The following PCDHGA1 variants were observed in gnomAD, a reference collection of about 807,000 sequenced individuals.
The protein encoded by PCDHGA1 is protocadherin gamma subfamily A, 1, also known as protocadherin gamma-A1.
A neutral mutation model predicts 58.0 loss-of-function variants in PCDHGA1; 32 were observed. The observed-to-expected ratio is 0.55, with a 90% CI of 0.42 to 0.74. The LOEUF (loss-of-function observed/expected upper bound fraction) is 0.74, where lower values mean the gene tolerates loss of function less well. PCDHGA1 is among the 30% of genes least tolerant of loss of function. PCDHGA1 has a pLI of 0.00. For missense variants in PCDHGA1, 1,205 were observed against 1,182.3 expected, an observed-to-expected ratio of 1.02 and a Z score of -0.28; for synonymous variants, 498 against 501.1, an observed-to-expected ratio of 0.99 and a Z score of 0.08.
Position 141,485,164 on chromosome 5 carries a change from G to A in PCDHGA1, c.2422-9643G>A, listed in dbSNP as rs2099608516. 2 of 1,605,832 alleles carry A rather than the reference G, an allele frequency of 1.2e-6. No homozygotes were observed. Among genetic ancestry groups the A allele is most frequent in the Admixed American group, 1.7e-5 (1 of 59,836 alleles). On this transcript the variant is annotated intron_variant, in intron 1 of 3. Coordinates refer to ENST00000517417, the MANE Select transcript of PCDHGA1 (RefSeq NM_018912.3). This position sits in a 1 kb window ranked among gnomAD's most constrained non-coding sequence, Gnocchi z 5.7. ...CTCAGGAGCAAGTAGAGAATTAGCG[G>A]GCGGCAGCAATGCTCCGCAAGGTGA...
intron 1 of PCDHGA1, chr5:141,471,533 G>C (rs921328911): frequency 1.3e-5 from 2 of 152,234 alleles, no homozygotes. Context: ...AGGAAGCTAT[G>C]ATAGCATTTA....
rs139608956 is a variant in PCDHGA1, at chr5:141,510,637, A to G, written c.2570-310A>G. Among the ~76,000 whole-genome samples, 4 of 152,242 alleles carry G rather than the reference A, an allele frequency of 2.6e-5. No individual in the cohort carries two copies. The East Asian group carries it at 7.7e-4, about 29-fold the overall frequency. ...ACTAAAACCAGAAGAGGTGGTTACC[A>G]TTATCATCCCCATTTTGCAGATGAG... On this transcript the variant is annotated intron_variant, in intron 3 of 3. Transcript: ENST00000517417.
intron 1 of PCDHGA1, among the ~76,000 whole-genome samples, chr5:141,437,919 G>A (rs2097917914): frequency 1.3e-5 from 2 of 152,078 alleles, no homozygotes; most frequent in Admixed American, 1.3e-4. Context: ...TGTATTTTTA[G>A]TAGAGATGGG....
In PCDHGA1 at chr5:141,423,130, G is replaced by T. The variant is rs770258338; in HGVS notation, c.2422-71677G>T. The T allele has an allele frequency of 2.5e-6, 4 of 1,613,700 alleles. No homozygotes were observed. Among genetic ancestry groups the T allele is most frequent in the Non-Finnish European group, 2.5e-6 (3 of 1,179,952 alleles). ...GGTGCGTACAGCGCGGGCACTGCTG[G>T]ACAGAGACGCGCTCAAGCAGAGCCT... On this transcript the variant is annotated intron_variant, in intron 1 of 3. Coordinates refer to ENST00000517417, the MANE Select transcript of PCDHGA1 (RefSeq NM_018912.3).
At chr5:141,414,904 A>G in intron 1 of PCDHGA1, 2 of 1,614,190 alleles carry the variant, frequency 1.2e-6, no homozygotes, top group Non-Finnish European at 1.7e-6. Context: ...AGACGGTTCC[A>G]CAGGCGTGGA....
chr5:141,418,670 G>T (rs767728571), intron 1 of PCDHGA1: 2 of 1,614,042 alleles, frequency 1.2e-6, no homozygotes, highest in Non-Finnish European at 1.7e-6. Context: ...TGACCAGGAC[G>T]AGGGCATCAA....
intron 1 of PCDHGA1, among the ~76,000 whole-genome samples, chr5:141,381,931 G>A (rs1032910832): frequency 6.3e-5 from 9 of 143,684 alleles, no homozygotes; most frequent in African/African-American, 2.3e-4. Context: ...CCGGGTTCAA[G>A]CGATTTTCCT....
At chr5:141,352,474 C>T (rs780587821) in intron 1 of PCDHGA1, 1 of 1,614,008 alleles carries the variant, frequency 6.2e-7, no homozygotes, top group Non-Finnish European at 8.5e-7. Flanking sequence ...TTCCTCCCAA[C>T]CACAGCGAGG....
chr5:141,459,486 G>A (rs764885682), intron 1 of PCDHGA1, among the ~76,000 whole-genome samples: 8 of 152,154 alleles, frequency 5.3e-5, no homozygotes, highest in Admixed American at 3.9e-4. Context: ...GTGCTATTCT[G>A]AATTAAAGTG....
intron 1 of PCDHGA1, chr5:141,366,866 T>G (rs998309813): frequency 7.1e-7 from 1 of 1,402,360 alleles, no homozygotes; most frequent in Admixed American, 2.4e-5. Flanking sequence ...TTATTTGCTG[T>G]ATTGGAGATT....
chr5:141,394,740 G>A (rs148904388), intron 1 of PCDHGA1: 174 of 1,613,404 alleles, frequency 1.1e-4, no homozygotes, highest in Non-Finnish European at 1.4e-4. Flanking sequence ...GCAGAGCCTC[G>A]TGGTGGCCGT....
chr5:141,365,520 C>G (rs749868232), intron 1 of PCDHGA1: 1 of 1,613,828 alleles, frequency 6.2e-7, no homozygotes, highest in East Asian at 2.2e-5. Context: ...TTGGAGAAGT[C>G]AGTTGATAAT....
intron 1 of PCDHGA1, chr5:141,344,783 T>A: frequency 1.2e-6 from 2 of 1,613,894 alleles, no homozygotes; most frequent in Non-Finnish European, 1.7e-6. Flanking sequence ...ACCGTGTGAG[T>A]GTTTGGGAGA....
chr5:141,413,665 C>T (rs770111467), intron 1 of PCDHGA1: 1 of 1,613,726 alleles, frequency 6.2e-7, no homozygotes, highest in East Asian at 2.2e-5. Flanking sequence ...AGCTATTGAT[C>T]CGGATGTGGG....
At chr5:141,399,949 A>G in intron 1 of PCDHGA1, 1 of 1,612,272 alleles carries the variant, frequency 6.2e-7, no homozygotes, top group Non-Finnish European at 8.5e-7. Flanking sequence ...GCTGCAGGCT[A>G]GCGAGCCCGG....
Position 141,487,767 on chromosome 5 carries a change from T to G in PCDHGA1, c.2422-7040T>G, listed in dbSNP as rs2099665569. The G allele has an allele frequency of 5.2e-6, 8 of 1,538,298 alleles. No homozygotes were observed. The African/African-American group carries it at 9.6e-5, about 18-fold the overall frequency. On this transcript the variant is annotated intron_variant, in intron 1 of 3. Transcript: ENST00000517417. This position sits in a 1 kb window ranked among gnomAD's most constrained non-coding sequence, Gnocchi z 5.0. ...GGTAACTATGTGGTAGACGCTGTGC[T>G]TTGTAACTGTTTCGTGAATTAACCA... is the stretch of plus-strand genomic sequence containing the variant.
In PCDHGA1 at chr5:141,498,823, C is replaced by A. The variant is rs540865523; in HGVS notation, c.2480+3958C>A. ...TGGTGCACACCTGTAGTCCCAGCTA[C>A]TCAGGAGGCTGAGGCAGGGGAATCG... On this transcript the variant is annotated intron_variant, in intron 2 of 3. Coordinates refer to ENST00000517417, the MANE Select transcript of PCDHGA1 (RefSeq NM_018912.3). Among the ~76,000 whole-genome samples the A allele has an allele frequency of 9.2e-5, 14 of 152,166 alleles. No homozygotes were observed. The East Asian group carries it at 1.5e-3, about 17-fold the overall frequency.
In PCDHGA1 at chr5:141,486,499, C is replaced by G. The variant is rs1487201957; in HGVS notation, c.2422-8308C>G. 2 of 1,614,010 alleles carry G rather than the reference C, an allele frequency of 1.2e-6. No homozygotes were observed. Among genetic ancestry groups the G allele is most frequent in the Non-Finnish European group, 1.7e-6 (2 of 1,179,874 alleles). On this transcript the variant is annotated intron_variant, in intron 1 of 3. Coordinates refer to ENST00000517417, the MANE Select transcript of PCDHGA1 (RefSeq NM_018912.3). This position sits in a 1 kb window ranked among gnomAD's most constrained non-coding sequence, Gnocchi z 5.0. ...CTCTCAGTACCCACAGAACTATTTT[C>G]CTCAATATTTCAGATGTGAATGATA...
At chr5:141,393,349 C>G in intron 1 of PCDHGA1, 1 of 1,613,964 alleles carries the variant, frequency 6.2e-7, no homozygotes, top group Non-Finnish European at 8.5e-7. Context: ...CACCACTTCT[C>G]CCTGGACGTG....
Sources: gnomAD v4.1 joint callset for allele counts (sites outside exome capture counted in the v4.1 genomes callset) on GRCh38, gnomAD v4.1.1 for gene constraint, Gnocchi (gnomAD v3.1) non-coding constraint, MANE v1.5 for transcripts, NCBI Gene and HGNC (gene_info 2026-07-23, HGNC 2026-07-21) for gene names.